The following FGGY variants were observed in gnomAD, a reference collection of about 807,000 sequenced individuals.
FGGY encodes FGGY carbohydrate kinase domain containing.
FGGY carries 72 observed loss-of-function variants against 71.3 expected under a neutral mutation model. That is an observed-to-expected ratio of 1.01 (90% CI 0.84 to 1.23). The LOEUF is 1.23. Ranked by LOEUF, FGGY falls within the 50% of genes most tolerant of loss-of-function variation. The pLI is 0.00. For synonymous variants in FGGY, 251 were observed against 250.3 expected, an observed-to-expected ratio of 1.00 and a Z score of -0.02; for missense variants, 668 against 682.3, an observed-to-expected ratio of 0.98 and a Z score of 0.23.
Position 59,533,695 on chromosome 1 carries a change from C to T in FGGY, c.800-20429C>T, listed in dbSNP as rs545055590. ...CTTAAGTGGGTCCCTGACCCCTGAA[C>T]CCCGAGCAGCCTAACTGAGAGGCAC... On this transcript the variant is annotated intron_variant, in intron 7 of 15. Coordinates refer to ENST00000303721, the MANE Select transcript of FGGY (RefSeq NM_018291.5). Among the ~76,000 whole-genome samples the T allele has an allele frequency of 1.4e-4, 21 of 146,560 alleles. No homozygotes were observed. The South Asian group carries it at 1.7e-3, about 12-fold the overall frequency.
At chr1:59,577,009 G>A (rs937975954) in intron 8 of FGGY, among the ~76,000 whole-genome samples, 38 of 152,172 alleles carry the variant, frequency 2.5e-4, no homozygotes, top group African/African-American at 8.9e-4. Context: ...ATGGATGAAC[G>A]ATAGTTAATA....
intron 5 of FGGY, among the ~76,000 whole-genome samples, chr1:59,415,193 C>A (rs1219192705): frequency 6.6e-6 from 1 of 151,894 alleles, no homozygotes; most frequent in Non-Finnish European, 1.5e-5. Flanking sequence ...TTGGGAAGAT[C>A]AAAAATGAAA....
intron 5 of FGGY, among the ~76,000 whole-genome samples, chr1:59,415,539 G>A (rs898633427): frequency 4.6e-5 from 7 of 152,210 alleles, no homozygotes; most frequent in Admixed American, 2.0e-4. Flanking sequence ...TAGAGTGAAC[G>A]TGTATGTCAT....
At chr1:59,625,934 C>A in intron 9 of FGGY, 54 bp from the exon 10 acceptor site, 1 of 1,391,696 alleles carries the variant, frequency 7.2e-7, no homozygotes, top group Non-Finnish European at 9.9e-7. Context: ...ATTTTTCTAT[C>A]TTATACATAA....
chr1:59,708,297 A>G (rs530824467), intron 14 of FGGY, among the ~76,000 whole-genome samples: 1 of 152,152 alleles, frequency 6.6e-6, no homozygotes, highest in South Asian at 2.1e-4. Flanking sequence ...AACCAGTCTA[A>G]TGTGCTCAAT....
chr1:59,674,319 C>T (rs1224850932), intron 14 of FGGY, among the ~76,000 whole-genome samples, 186 bp downstream of exon 14: 1 of 152,160 alleles, frequency 6.6e-6, no homozygotes, highest in African/African-American at 2.4e-5. Context: ...TTGACTTGGC[C>T]TCGGTTCGTG....
chr1:59,741,980 T>C lies in FGGY; in HGVS notation c.1513-15951T>C, dbSNP rs187130122. Among the ~76,000 whole-genome samples, 405 of 149,074 alleles carry C rather than the reference T, an allele frequency of 2.7e-3. 1 individual carries two copies. The highest frequency in any genetic ancestry group is 3.9e-3 in the Non-Finnish European group (264 of 67,640). ...AAAGCCAGTCACCGTGGTGCATACA[T>C]GTAGTCCCAGCTGCTCAGGAGGCTG... On this transcript the variant is annotated intron_variant, in intron 14 of 15. Transcript: ENST00000303721.
intron 5 of FGGY, among the ~76,000 whole-genome samples, chr1:59,437,526 C>A (rs1012807001): frequency 1.3e-5 from 2 of 152,050 alleles, no homozygotes; most frequent in African/African-American, 4.8e-5. Context: ...TTGCCTTGAT[C>A]CTGCTTTCAA....
chr1:59,706,130 C>T (rs1048848241), intron 14 of FGGY, among the ~76,000 whole-genome samples: 1 of 152,200 alleles, frequency 6.6e-6, no homozygotes, highest in African/African-American at 2.4e-5. Flanking sequence ...GGATCGTAAA[C>T]TCACTGAGCC....
chr1:59,692,914 G>A (rs1266702180), intron 14 of FGGY, among the ~76,000 whole-genome samples: 1 of 152,188 alleles, frequency 6.6e-6, no homozygotes, highest in Non-Finnish European at 1.5e-5. Context: ...AAGAAACTCT[G>A]GACTTGGCAT....
At chr1:59,422,634 G>T (rs959065997) in intron 5 of FGGY, among the ~76,000 whole-genome samples, 1 of 151,782 alleles carries the variant, frequency 6.6e-6, no homozygotes, top group Non-Finnish European at 1.5e-5. Context: ...GGTTGAGGCT[G>T]CAGTGAGCTG....
intron 2 of FGGY, among the ~76,000 whole-genome samples, chr1:59,333,713 C>T (rs2048926917): frequency 6.6e-6 from 1 of 152,230 alleles, no homozygotes; most frequent in Non-Finnish European, 1.5e-5. Flanking sequence ...AATTGTGTAA[C>T]TTGCCTTCAG....
chr1:59,589,638 C>T (rs1279357250), intron 8 of FGGY, among the ~76,000 whole-genome samples: 1 of 152,264 alleles, frequency 6.6e-6, no homozygotes, highest in East Asian at 1.9e-4. Context: ...GAAACTCACT[C>T]AAAACCGCTC....
At chr1:59,428,560 T>G (rs2066783468) in intron 5 of FGGY, among the ~76,000 whole-genome samples, 1 of 152,260 alleles carries the variant, frequency 6.6e-6, no homozygotes, top group African/African-American at 2.4e-5. Flanking sequence ...CCAGTTCTTT[T>G]GAGCATATCT....
chr1:59,441,703 G>A (rs915734146), intron 5 of FGGY, among the ~76,000 whole-genome samples: 1 of 152,174 alleles, frequency 6.6e-6, no homozygotes, highest in Non-Finnish European at 1.5e-5. Context: ...CTTCTTAACA[G>A]ATGAAGAAAA....
chr1:59,417,237 G>T (rs181818216), intron 5 of FGGY, among the ~76,000 whole-genome samples: 125 of 151,386 alleles, frequency 8.3e-4, no homozygotes, highest in African/African-American at 3.0e-3. Context: ...GTTCATCTAT[G>T]TTGTAGTATG....
chr1:59,346,136 T>G, intron 3 of FGGY, 111 bp from the exon 4 acceptor site: 1 of 1,385,956 alleles, frequency 7.2e-7, no homozygotes, highest in South Asian at 1.4e-5. Flanking sequence ...TCTTGATACA[T>G]AAAATTATAG....
intron 11 of FGGY, among the ~76,000 whole-genome samples, chr1:59,653,726 G>T (rs182078314): frequency 6.6e-6 from 1 of 152,324 alleles, no homozygotes; most frequent in African/African-American, 2.4e-5. Flanking sequence ...CGTTGCTCAC[G>T]CTGGGAGCTG....
At chr1:59,544,807 A>C (rs568611403) in intron 7 of FGGY, among the ~76,000 whole-genome samples, 1 of 152,216 alleles carries the variant, frequency 6.6e-6, no homozygotes, top group East Asian at 1.9e-4. Flanking sequence ...AGAACTTTAC[A>C]CTAACCAACT....
Sources: allele counts gnomAD v4.1 joint callset (sites outside exome capture counted in the v4.1 genomes callset), GRCh38; gene constraint gnomAD v4.1.1; transcripts MANE v1.5; gene names NCBI Gene and HGNC (gene_info 2026-07-23, HGNC 2026-07-21).